The following ADARB2 variants were observed in gnomAD, a reference collection of about 807,000 sequenced individuals.
ADARB2 encodes the protein inactive double-stranded RNA-specific editase B2.
Under a neutral mutation model 62.2 loss-of-function variants are expected in ADARB2, and 25 were observed. The ratio of observed to expected loss-of-function variants is 0.40; its 90% CI spans 0.29 to 0.56. ADARB2 has a LOEUF of 0.56. Among genes scored for constraint, ADARB2 ranks in the 20% least tolerant of loss-of-function variants. ADARB2 has a pLI of 0.43. For synonymous variants in ADARB2, 572 were observed against 500.8 expected, an observed-to-expected ratio of 1.14 and a Z score of -1.90; for missense variants, 1,071 against 1,077.4, an observed-to-expected ratio of 0.99 and a Z score of 0.08.
At chr10:1,416,130 C>T (rs1832799221) in intron 1 of ADARB2, among the ~76,000 whole-genome samples, 2 of 152,252 alleles carry the variant, frequency 1.3e-5, no homozygotes, top group Admixed American at 1.3e-4. Context: ...TGTCTTATTT[C>T]CCTCCTGCAG....
At chr10:1,240,710 G>A (rs1193198251) in intron 5 of ADARB2, among the ~76,000 whole-genome samples, 1 of 152,174 alleles carries the variant, frequency 6.6e-6, no homozygotes, top group Non-Finnish European at 1.5e-5. Context: ...GCACCTGTCT[G>A]TGGACCCCCC....
chr10:1,563,546 C>A (rs12260411), intron 1 of ADARB2, among the ~76,000 whole-genome samples: 7 of 152,106 alleles, frequency 4.6e-5, no homozygotes, highest in Admixed American at 2.0e-4. Flanking sequence ...CTACTATAAT[C>A]GCGCCAGTTT....
intron 1 of ADARB2, among the ~76,000 whole-genome samples, chr10:1,714,268 G>A (rs1200631843): frequency 6.6e-6 from 1 of 152,232 alleles, no homozygotes; most frequent in African/African-American, 2.4e-5. Flanking sequence ...AAGCACCTCC[G>A]TAAACGACGT....
At chr10:1,391,932 A>G (rs1832574744) in intron 1 of ADARB2, among the ~76,000 whole-genome samples, 1 of 151,682 alleles carries the variant, frequency 6.6e-6, no homozygotes, top group African/African-American at 2.4e-5. Context: ...TGCCTGGTTA[A>G]TTTTTATATT....
chr10:1,200,218 T>G lies in ADARB2; in HGVS notation c.1683-71A>C, dbSNP rs1051846642. On this transcript the variant is annotated intron_variant, in intron 7 of 9. Transcript: ENST00000381312. ...GGGAGCCTGGTCCTCTCTGTCCGTC[T>G]GCGGCCTGGTCCTGAGGACCTGTCA... is the stretch of plus-strand genomic sequence containing the variant. 6 of 1,542,286 alleles carry G rather than the reference T, an allele frequency of 3.9e-6. No individual in the cohort carries two copies. In the African/African-American group the frequency reaches 8.2e-5, roughly 21 times the overall value.
At chr10:1,233,587 C>G (rs540901636) in intron 6 of ADARB2, 107 bp downstream of exon 6, 8 of 1,234,866 alleles carry the variant, frequency 6.5e-6, no homozygotes, top group Non-Finnish European at 8.7e-6. Flanking sequence ...ACCCAAGGGC[C>G]CCACACACCG....
At chr10:1,266,075 G>A (rs141523443) in intron 4 of ADARB2, among the ~76,000 whole-genome samples, 2 of 141,606 alleles carry the variant, frequency 1.4e-5, no homozygotes, top group African/African-American at 5.6e-5. Context: ...TCCCCCGGAA[G>A]ACGGCCTGAG....
At chr10:1,556,977 C>T (rs184070019) in intron 1 of ADARB2, 12 of 392,404 alleles carry the variant, frequency 3.1e-5, no homozygotes, top group South Asian at 1.8e-4. Context: ...AGACAATTTT[C>T]ACCTCCAGGA....
chr10:1,379,875 G>A (rs901187429), intron 1 of ADARB2, among the ~76,000 whole-genome samples: 2 of 152,182 alleles, frequency 1.3e-5, no homozygotes, highest in South Asian at 2.1e-4. Flanking sequence ...GATCCAACCA[G>A]GAGATGCCGC....
chr10:1,290,997 T>C (rs191850785), intron 3 of ADARB2: 2 of 152,334 alleles, frequency 1.3e-5, no homozygotes. Context: ...GGTCCTCCGT[T>C]TGGGGCTGAT....
intron 4 of ADARB2, among the ~76,000 whole-genome samples, chr10:1,244,176 A>AG (rs1377090439): frequency 2.0e-5 from 3 of 152,222 alleles, no homozygotes; most frequent in Admixed American, 6.5e-5. Flanking sequence ...TGACTCTGCC[A>AG]GGGGTGGGAG....
chr10:1,291,169 A>G (rs540246942), intron 3 of ADARB2: 18 of 152,366 alleles, frequency 1.2e-4, no homozygotes, highest in African/African-American at 4.1e-4. Context: ...CCTTTAAGTG[A>G]GCATCTAAGG....
intron 3 of ADARB2, 40 bp downstream of exon 3, chr10:1,362,988 C>G: frequency 3.1e-6 from 4 of 1,287,640 alleles, no homozygotes; most frequent in Non-Finnish European, 3.9e-6. Flanking sequence ...CCCGCGCCCC[C>G]AGCGCCGCCC....
At chr10:1,614,804 G>C (rs887897858) in intron 1 of ADARB2, among the ~76,000 whole-genome samples, 4 of 152,098 alleles carry the variant, frequency 2.6e-5, no homozygotes, top group Non-Finnish European at 4.4e-5. Flanking sequence ...CCAGCTACTC[G>C]GGAGGCTGAG....
rs138210086 is a variant in ADARB2, at chr10:1,566,273, T to C, written c.100+170778A>G. On this transcript the variant is annotated intron_variant, in intron 1 of 9. Coordinates refer to ENST00000381312, the MANE Select transcript of ADARB2 (RefSeq NM_018702.4). ...AGACCCAGCTTTTGTCCCCGTACCA[T>C]GTAATTTCTGCTAGCACCCCTTGCC... Among the ~76,000 whole-genome samples the C allele has an allele frequency of 5.3e-5, 8 of 152,300 alleles. No homozygotes were observed. The East Asian group carries it at 5.8e-4, about 11-fold the overall frequency.
At chr10:1,279,779 A>T (rs1831354128) in intron 3 of ADARB2, among the ~76,000 whole-genome samples, 1 of 152,138 alleles carries the variant, frequency 6.6e-6, no homozygotes, top group Non-Finnish European at 1.5e-5. Flanking sequence ...CGTCTACTCC[A>T]TGCTTGGCTC....
chr10:1,503,543 T>C (rs539908975), intron 1 of ADARB2, among the ~76,000 whole-genome samples: 1 of 152,198 alleles, frequency 6.6e-6, no homozygotes, highest in East Asian at 1.9e-4. Flanking sequence ...TCATTTCCTT[T>C]ATACAGCACG....
chr10:1,501,671 C>T (rs970767384), intron 1 of ADARB2, among the ~76,000 whole-genome samples: 2 of 152,206 alleles, frequency 1.3e-5, no homozygotes, highest in Non-Finnish European at 2.9e-5. Flanking sequence ...ATATTGCTCG[C>T]CAGTAGCCTG....
chr10:1,293,064 G>C (rs1436231092), intron 3 of ADARB2: 3 of 106,630 alleles, frequency 2.8e-5, no homozygotes, highest in African/African-American at 4.0e-5. Flanking sequence ...GGAGGGAAAG[G>C]GGGGAGAGGA....
Sources: gnomAD v4.1 joint callset for allele counts (sites outside exome capture counted in the v4.1 genomes callset) on GRCh38, gnomAD v4.1.1 for gene constraint, MANE v1.5 for transcripts, NCBI Gene and HGNC (gene_info 2026-07-23, HGNC 2026-07-21) for gene names.